XKR6: variants seen among roughly 807,000 people sequenced by gnomAD.
XKR6 encodes XK related 6.
A neutral mutation model predicts 56.7 loss-of-function variants in XKR6; 22 were observed. The observed-to-expected ratio is 0.39, with a 90% CI of 0.28 to 0.55. The LOEUF (loss-of-function observed/expected upper bound fraction) is 0.55. Ranked by LOEUF, XKR6 falls within the 20% of genes least tolerant of loss-of-function variation. The probability of loss-of-function intolerance (pLI) is 0.66; values close to 1 mark genes in which losing one functional copy is unlikely to be tolerated. For missense variants in XKR6, 852 were observed against 889.0 expected (o/e 0.96, Z 0.53); for synonymous variants, 524 against 387.8 (o/e 1.35, Z -4.13).
chr8:11,089,824 C>A (rs529082209), intron 1 of XKR6, among the ~76,000 whole-genome samples: 2 of 152,168 alleles, frequency 1.3e-5, no homozygotes, highest in East Asian at 3.9e-4. Flanking sequence ...CTGGAGGAGC[C>A]GCTATACTGA....
chr8:11,132,551 G>A (rs1056550327), intron 1 of XKR6, among the ~76,000 whole-genome samples: 2 of 151,596 alleles, frequency 1.3e-5, no homozygotes, highest in African/African-American at 4.9e-5. Flanking sequence ...TAGTAGAGAC[G>A]GGGTTTCACT....
chr8:10,912,066 T>C (rs1346360200), intron 2 of XKR6, among the ~76,000 whole-genome samples: 1 of 149,174 alleles, frequency 6.7e-6, no homozygotes, highest in Non-Finnish European at 1.5e-5. Context: ...AGAAAGGACG[T>C]GTATACATAG....
At chr8:11,180,808 G>A (rs1430744995) in intron 1 of XKR6, among the ~76,000 whole-genome samples, 4 of 152,192 alleles carry the variant, frequency 2.6e-5, no homozygotes, top group African/African-American at 9.7e-5. Flanking sequence ...TCGGGAGGCT[G>A]AGGCAGGAGG....
At chr8:11,115,690 T>C (rs148022295) in intron 1 of XKR6, among the ~76,000 whole-genome samples, 4 of 152,332 alleles carry the variant, frequency 2.6e-5, no homozygotes, top group East Asian at 1.9e-4. Flanking sequence ...TCCATGTTCA[T>C]CTTAACCCAT....
chr8:10,946,125 C>T (rs928665043), intron 1 of XKR6, among the ~76,000 whole-genome samples: 1 of 152,062 alleles, frequency 6.6e-6, no homozygotes, highest in African/African-American at 2.4e-5. Flanking sequence ...CCTGACCACA[C>T]ACACCTCCCT....
At chr8:10,918,219 C>A (rs566730114) in intron 2 of XKR6, among the ~76,000 whole-genome samples, 1 of 152,188 alleles carries the variant, frequency 6.6e-6, no homozygotes, top group African/African-American at 2.4e-5. Flanking sequence ...TTGTCCTAGA[C>A]CCATCCCCTT....
At chr8:11,114,193 A>C (rs915160162) in intron 1 of XKR6, 3 of 353,726 alleles carry the variant, frequency 8.5e-6, no homozygotes, top group African/African-American at 6.5e-5. Context: ...TATCACAGAA[A>C]AATGAAAATG....
At chr8:11,023,823 G>T (rs1350335766) in intron 1 of XKR6, among the ~76,000 whole-genome samples, 1 of 152,198 alleles carries the variant, frequency 6.6e-6, no homozygotes, top group Non-Finnish European at 1.5e-5. Flanking sequence ...TGAACCCTGT[G>T]CCTCTCTATG....
intron 1 of XKR6, among the ~76,000 whole-genome samples, chr8:11,182,877 C>T (rs1803069415): frequency 6.6e-6 from 1 of 152,082 alleles, no homozygotes; most frequent in South Asian, 2.1e-4. Flanking sequence ...TCCACGTATC[C>T]CCTCGCCCCA....
intron 1 of XKR6, among the ~76,000 whole-genome samples, chr8:11,014,573 C>A (rs527282281): frequency 4.7e-4 from 71 of 152,286 alleles, no homozygotes; most frequent in South Asian, 1.5e-3. Flanking sequence ...TCAGCAGCAC[C>A]TTCCCAGGTT....
intron 1 of XKR6, among the ~76,000 whole-genome samples, chr8:10,992,572 T>A (rs796347725): frequency 1.3e-5 from 2 of 152,314 alleles, no homozygotes; most frequent in African/African-American, 4.8e-5. Flanking sequence ...ACAGATCCGC[T>A]TGTTAAAGGG....
intron 1 of XKR6, among the ~76,000 whole-genome samples, chr8:11,076,115 C>T (rs143191262): frequency 3.3e-5 from 5 of 152,270 alleles, no homozygotes; most frequent in South Asian, 4.2e-4. Context: ...GAAATGAGCC[C>T]GTCACAAAAT....
chr8:11,171,564 G>C (rs1224278588), intron 1 of XKR6, among the ~76,000 whole-genome samples: 1 of 152,192 alleles, frequency 6.6e-6, no homozygotes, highest in Non-Finnish European at 1.5e-5. Context: ...GGAGCTGGTT[G>C]TTAAAAGGAG....
At chr8:10,945,959 T>C (rs948766832) in intron 1 of XKR6, among the ~76,000 whole-genome samples, 2 of 152,094 alleles carry the variant, frequency 1.3e-5, no homozygotes, top group African/African-American at 4.8e-5. Context: ...GGGGACTATA[T>C]TTGATTCCTC....
At chr8:10,994,839 C>A (rs528782896) in intron 1 of XKR6, among the ~76,000 whole-genome samples, 9 of 152,302 alleles carry the variant, frequency 5.9e-5, no homozygotes, top group African/African-American at 2.2e-4. Context: ...GCTCATGAGG[C>A]CTCCCCCTAA....
intron 1 of XKR6, among the ~76,000 whole-genome samples, chr8:10,999,271 AT>A (rs778732437): frequency 3.9e-5 from 6 of 152,232 alleles, no homozygotes; most frequent in Admixed American, 1.3e-4. Context: ...GACTGTTATG[AT>A]TCACCTCTTG....
At position 11,125,950 on chromosome 8, in the gene XKR6, C is replaced by G. The variant is rs1191180006; in HGVS notation, c.764+74626G>C. On this transcript the variant is annotated intron_variant, in intron 1 of 2. Coordinates refer to ENST00000416569, the MANE Select transcript of XKR6 (RefSeq NM_173683.4). ...CTTCTCTGGCACTACCTCCTAGTAA[C>G]TCACAACAAACTTGATGGAAACTCT... 2.6e-5 allele frequency: 4 copies of G among 152,258 alleles called. No homozygotes were observed. In the East Asian group the frequency reaches 7.7e-4, roughly 29 times the overall value. 9.4% of individuals were successfully genotyped at this position (152,258 alleles called of 1,614,324 possible).
chr8:11,116,560 G>T (rs537707616), intron 1 of XKR6, among the ~76,000 whole-genome samples: 1 of 152,034 alleles, frequency 6.6e-6, no homozygotes, highest in African/African-American at 2.4e-5. Flanking sequence ...TAGTAGAGAC[G>T]GGGTTTCTCC....
At chr8:11,150,498 A>AT (rs1801220357) in intron 1 of XKR6, among the ~76,000 whole-genome samples, 1 of 152,146 alleles carries the variant, frequency 6.6e-6, no homozygotes, top group African/African-American at 2.4e-5. Context: ...ATTCCATCCC[A>AT]TTTTTTAAAC....
Sources: allele counts gnomAD v4.1 joint callset (sites outside exome capture counted in the v4.1 genomes callset), GRCh38; gene constraint gnomAD v4.1.1; transcripts MANE v1.5; gene names NCBI Gene and HGNC (gene_info 2026-07-23, HGNC 2026-07-21).